CDH4: variants seen among roughly 807,000 people sequenced by gnomAD.
CDH4 encodes cadherin 4.
CDH4 carries 33 observed loss-of-function variants against 86.0 expected under a neutral mutation model. The observed-to-expected ratio is 0.38, with a 90% CI of 0.29 to 0.51. The LOEUF is 0.51. CDH4 is among the 20% of genes least tolerant of loss of function. The pLI is 0.86. For missense variants in CDH4, 1,114 were observed against 1,307.4 expected (o/e 0.85, Z 2.28); for synonymous variants, 555 against 549.4 (o/e 1.01, Z -0.14).
intron 2 of CDH4, among the ~76,000 whole-genome samples, chr20:61,679,351 A>G (rs760778308): frequency 7.2e-5 from 11 of 152,126 alleles, no homozygotes; most frequent in Admixed American, 4.6e-4. Flanking sequence ...GGCTTTTGTC[A>G]AAACACAAGT....
intron 2 of CDH4, among the ~76,000 whole-genome samples, chr20:61,320,076 A>G (rs1004330029): frequency 8.5e-5 from 13 of 152,204 alleles, no homozygotes; most frequent in African/African-American, 3.1e-4. Flanking sequence ...TCTTCCCACA[A>G]TAATTTTTGC....
chr20:61,906,706 G>A (rs757330399), intron 8 of CDH4, among the ~76,000 whole-genome samples: 1 of 152,128 alleles, frequency 6.6e-6, no homozygotes, highest in Non-Finnish European at 1.5e-5. Flanking sequence ...CAGAGGGAAT[G>A]GCCCGGGGCC....
At chr20:61,697,762 T>C (rs1473943276) in intron 2 of CDH4, among the ~76,000 whole-genome samples, 1 of 152,176 alleles carries the variant, frequency 6.6e-6, no homozygotes, top group African/African-American at 2.4e-5. Flanking sequence ...CAGAGGGGTG[T>C]CCATCTCCGG....
intron 2 of CDH4, among the ~76,000 whole-genome samples, chr20:61,595,329 C>G (rs2086549100): frequency 1.3e-5 from 2 of 152,266 alleles, no homozygotes; most frequent in South Asian, 4.1e-4. Flanking sequence ...TGTCAGGTCA[C>G]AGCAGAGACG....
In CDH4 at chr20:61,910,610, G is replaced by A. The variant is rs1401236963; in HGVS notation, c.1374+3G>A. On this transcript the variant is annotated splice_donor_region_variant and intron_variant, in intron 9 of 15. Coordinates refer to ENST00000614565, the MANE Select transcript of CDH4 (RefSeq NM_001794.5). ...AGGGCATGGTCACCGTGGTGAAGGT[G>A]CGTACTCTTCTCACACCCTGCCAGG... 1.2e-6 allele frequency: 2 copies of A among 1,611,746 alleles called. No individual in the cohort carries two copies. Among genetic ancestry groups the A allele is most frequent in the Admixed American group, 1.7e-5 (1 of 60,000 alleles).
chr20:61,565,125 G>GTGGTGCTGGTGCTCT (rs1568688123), intron 2 of CDH4, among the ~76,000 whole-genome samples: 1 of 141,302 alleles, frequency 7.1e-6, no homozygotes, highest in African/African-American at 2.6e-5. Flanking sequence ...GGTGCTCTTG[G>GTGGTGCTGGTGCTCT]TGGTGCTGGT....
chr20:61,758,705 C>T (rs2088595801), intron 3 of CDH4, among the ~76,000 whole-genome samples: 1 of 152,228 alleles, frequency 6.6e-6, no homozygotes, highest in Non-Finnish European at 1.5e-5. Context: ...CTAACCCCAG[C>T]TCCATGTCTG....
At chr20:61,692,207 GTC>G (rs1046076840) in intron 2 of CDH4, among the ~76,000 whole-genome samples, 5 of 148,652 alleles carry the variant, frequency 3.4e-5, no homozygotes, top group African/African-American at 1.3e-4. Context: ...TTGTGTGTAT[GTC>G]TATGTATGTA....
At chr20:61,643,203 G>A (rs895532026) in intron 2 of CDH4, among the ~76,000 whole-genome samples, 7 of 151,910 alleles carry the variant, frequency 4.6e-5, no homozygotes, top group Middle Eastern at 3.2e-3. Context: ...GCATCACAGG[G>A]AGGGGGGGTG....
At chr20:61,535,616 C>G (rs764861351) in intron 2 of CDH4, among the ~76,000 whole-genome samples, 2 of 152,188 alleles carry the variant, frequency 1.3e-5, no homozygotes, top group Non-Finnish European at 2.9e-5. Context: ...ACGCGGGGGC[C>G]TTCTTCAAAA....
At chr20:61,669,909 C>G (rs898868796) in intron 2 of CDH4, among the ~76,000 whole-genome samples, 1 of 152,142 alleles carries the variant, frequency 6.6e-6, no homozygotes, top group Non-Finnish European at 1.5e-5. Context: ...CCCATGAGGT[C>G]ACTGGTGGAC....
chr20:61,401,392 A>T (rs2085048718), intron 2 of CDH4, among the ~76,000 whole-genome samples: 1 of 151,864 alleles, frequency 6.6e-6, no homozygotes, highest in Non-Finnish European at 1.5e-5. Flanking sequence ...TTTTTTTGTC[A>T]GACAAAAAGA....
At chr20:61,419,901 G>A (rs1303029152) in intron 2 of CDH4, among the ~76,000 whole-genome samples, 1 of 152,284 alleles carries the variant, frequency 6.6e-6, no homozygotes, top group East Asian at 1.9e-4. Context: ...ACAAACATTG[G>A]CATCATTCAG....
At chr20:61,632,824 T>C (rs2086904838) in intron 2 of CDH4, among the ~76,000 whole-genome samples, 1 of 124,420 alleles carries the variant, frequency 8.0e-6, no homozygotes. Context: ...CGCTTCCTCT[T>C]CCTCTCCTCC....
chr20:61,903,950 TCTC>T (rs1406293590), intron 8 of CDH4, among the ~76,000 whole-genome samples: 3 of 152,346 alleles, frequency 2.0e-5, no homozygotes, highest in East Asian at 3.9e-4. Context: ...CCCGCAAGCT[TCTC>T]CTCTCTGCTG....
chr20:61,527,434 G>T (rs1321451034), intron 2 of CDH4, among the ~76,000 whole-genome samples: 5 of 152,146 alleles, frequency 3.3e-5, no homozygotes, highest in Admixed American at 1.3e-4. Context: ...ATTTTTAGTA[G>T]AGACAGGGTT....
intron 2 of CDH4, among the ~76,000 whole-genome samples, chr20:61,535,522 T>G (rs2085989722): frequency 6.6e-6 from 1 of 152,274 alleles, no homozygotes; most frequent in Non-Finnish European, 1.5e-5. Context: ...GAAAGCCTTT[T>G]AAGTAGAATG....
Position 61,810,931 on chromosome 20 carries a change from C to CT in CDH4, c.577-33736dup, listed in dbSNP as rs1980402586. ...GCTTCGAGACGGGGGCTGCAGGAGC[C>CT]TGCAGAGCCTGCGTTATCCTGCACT... is the stretch of plus-strand genomic sequence containing the variant. On this transcript the variant is annotated intron_variant, in intron 4 of 15. Coordinates refer to ENST00000614565, the MANE Select transcript of CDH4 (RefSeq NM_001794.5). This position sits in a 1 kb window ranked among gnomAD's most constrained non-coding sequence, Gnocchi z 4.3. Among the ~76,000 whole-genome samples, 1 of 152,198 alleles carries CT rather than the reference C, an allele frequency of 6.6e-6. No homozygotes were observed. Among genetic ancestry groups the CT allele is most frequent in the Non-Finnish European group, 1.5e-5 (1 of 68,038 alleles).
At chr20:61,355,623 T>C (rs2084744877) in intron 2 of CDH4, among the ~76,000 whole-genome samples, 1 of 152,218 alleles carries the variant, frequency 6.6e-6, no homozygotes, top group Admixed American at 6.5e-5. Context: ...CAGAGGCAGC[T>C]TAAGACATAC....
Sources: gnomAD v4.1 joint callset for allele counts (sites outside exome capture counted in the v4.1 genomes callset) on GRCh38, gnomAD v4.1.1 for gene constraint, Gnocchi (gnomAD v3.1) non-coding constraint, MANE v1.5 for transcripts, NCBI Gene and HGNC (gene_info 2026-07-23, HGNC 2026-07-21) for gene names.